USP3: variants seen among roughly 807,000 people sequenced by gnomAD.
USP3 encodes ubiquitin specific peptidase 3.
USP3 carries 20 observed loss-of-function variants against 72.3 expected under a neutral mutation model. The ratio of observed to expected loss-of-function variants is 0.28; its 90% confidence interval spans 0.19 to 0.40. The LOEUF (loss-of-function observed/expected upper bound fraction) is 0.40. Among genes scored for constraint, USP3 ranks in the 10% least tolerant of loss-of-function variants. The pLI is 1.00. For synonymous variants in USP3, 222 were observed against 225.3 expected, an observed-to-expected ratio of 0.99 and a Z score of 0.13; for missense variants, 479 against 633.9, an observed-to-expected ratio of 0.76 and a Z score of 2.62.
At chr15:63,551,933 T>G (rs1359282835) in intron 3 of USP3, 1 of 152,194 alleles carries the variant, frequency 6.6e-6, no homozygotes, top group South Asian at 2.1e-4. Context: ...CGTAATTTTA[T>G]GACCAAGGCT....
intron 1 of USP3, among the ~76,000 whole-genome samples, chr15:63,525,920 C>A (rs1395090060): frequency 6.6e-6 from 1 of 152,088 alleles, no homozygotes; most frequent in East Asian, 1.9e-4. Context: ...TGCAAAATTT[C>A]AAAATTTTCA....
chr15:63,573,779 C>A (rs2066817838), intron 9 of USP3, among the ~76,000 whole-genome samples: 1 of 152,132 alleles, frequency 6.6e-6, no homozygotes, highest in Non-Finnish European at 1.5e-5. Flanking sequence ...GTTATGATAG[C>A]AAATGGCCAG....
intron 8 of USP3, among the ~76,000 whole-genome samples, chr15:63,566,225 A>G (rs1469614108): frequency 6.6e-6 from 1 of 151,986 alleles, no homozygotes; most frequent in Non-Finnish European, 1.5e-5. Flanking sequence ...CATAATTCTT[A>G]TATTTGCTTG....
intron 3 of USP3, among the ~76,000 whole-genome samples, chr15:63,549,970 A>G (rs947061907): frequency 5.9e-5 from 9 of 152,198 alleles, no homozygotes; most frequent in African/African-American, 2.2e-4. Flanking sequence ...ACAGTTCCAT[A>G]AACTGGTGAT....
At chr15:63,514,104 A>G (rs1489771952) in intron 1 of USP3, among the ~76,000 whole-genome samples, 1 of 152,256 alleles carries the variant, frequency 6.6e-6, no homozygotes, top group African/African-American at 2.4e-5. Context: ...TGTATGAAGT[A>G]GCTGCCAGAC....
intron 8 of USP3, among the ~76,000 whole-genome samples, chr15:63,567,261 G>A (rs998687952): frequency 1.1e-4 from 16 of 151,548 alleles, no homozygotes; most frequent in Middle Eastern, 3.2e-3. Flanking sequence ...TGCAACCTCC[G>A]CCTCCCAGGT....
At chr15:63,530,326 C>CTT (rs764559960) in intron 1 of USP3, among the ~76,000 whole-genome samples, 8 of 124,330 alleles carry the variant, frequency 6.4e-5, no homozygotes, top group African/African-American at 1.2e-4. Flanking sequence ...TTACATCCAT[C>CTT]TTTTTTTTTT....
At chr15:63,519,008 G>A (rs2065885623) in intron 1 of USP3, among the ~76,000 whole-genome samples, 1 of 152,126 alleles carries the variant, frequency 6.6e-6, no homozygotes, top group African/African-American at 2.4e-5. Flanking sequence ...CTCATGATCT[G>A]CCCGCCTCAG....
intron 2 of USP3, among the ~76,000 whole-genome samples, chr15:63,533,567 A>G (rs1361602159): frequency 6.6e-6 from 1 of 152,196 alleles, no homozygotes; most frequent in Non-Finnish European, 1.5e-5. Flanking sequence ...GAAATGAGAA[A>G]TCATACTGAG....
intron 7 of USP3, among the ~76,000 whole-genome samples, chr15:63,560,595 G>A (rs764573544): frequency 2.6e-5 from 4 of 151,734 alleles, no homozygotes; most frequent in Non-Finnish European, 5.9e-5. Flanking sequence ...TGATTTGTCC[G>A]ACAGTGTTAG....
Position 63,578,236 on chromosome 15 carries a change from T to C in USP3, c.1096+3833T>C, listed in dbSNP as rs565534882. On this transcript the variant is annotated intron_variant, in intron 11 of 14. Coordinates refer to ENST00000380324, the MANE Select transcript of USP3 (RefSeq NM_006537.4). ...TTGCAGTGAGCCGAGATCGTGCCACTGCACTCCAGCCTGGACAACACAGTG... is the reference window on the plus strand; with the variant it reads ...TTGCAGTGAGCCGAGATCGTGCCACCGCACTCCAGCCTGGACAACACAGTG... 4.6e-5 allele frequency among the ~76,000 whole-genome samples: 7 copies of C among 151,930 alleles called. No homozygotes were observed. The East Asian group carries it at 1.4e-3, about 30-fold the overall frequency.
chr15:63,539,721 A>G (rs2152663045), intron 3 of USP3, among the ~76,000 whole-genome samples: 1 of 152,288 alleles, frequency 6.6e-6, no homozygotes, highest in East Asian at 1.9e-4. Flanking sequence ...AGTTGTACAG[A>G]GCTGCAAGTG....
chr15:63,526,403 A>G (rs2065982312), intron 1 of USP3, among the ~76,000 whole-genome samples: 1 of 152,192 alleles, frequency 6.6e-6, no homozygotes, highest in African/African-American at 2.4e-5. Flanking sequence ...AACAGACCAA[A>G]TGATGGTCTG....
intron 11 of USP3, among the ~76,000 whole-genome samples, chr15:63,582,006 C>T (rs1216260815): frequency 6.6e-6 from 1 of 152,128 alleles, no homozygotes; most frequent in African/African-American, 2.4e-5. Context: ...TAATGGTTTT[C>T]TTTATACATA....
intron 5 of USP3, 52 bp downstream of exon 5, chr15:63,556,800 T>C: frequency 8.0e-7 from 1 of 1,252,586 alleles, no homozygotes; most frequent in Non-Finnish European, 1.1e-6. Flanking sequence ...ATTTAATCAC[T>C]GTTTTGTTAC....
intron 3 of USP3, among the ~76,000 whole-genome samples, chr15:63,550,899 G>A (rs183683902): frequency 2.6e-5 from 4 of 152,276 alleles, no homozygotes; most frequent in Admixed American, 2.0e-4. Flanking sequence ...GCTCACACCT[G>A]TAATCTCAGC....
At chr15:63,579,062 G>T (rs1464545736) in intron 11 of USP3, among the ~76,000 whole-genome samples, 2 of 152,120 alleles carry the variant, frequency 1.3e-5, no homozygotes, top group African/African-American at 2.4e-5. Context: ...AAGCCAGCTG[G>T]CTTTCTGTAT....
chr15:63,542,090 T>G, intron 3 of USP3: 1 of 985,214 alleles, frequency 1.0e-6, no homozygotes, highest in Non-Finnish European at 1.2e-6. Context: ...GAATATTTTC[T>G]TAGTTCTTCA....
chr15:63,569,974 T>C (rs1007396509), intron 8 of USP3, among the ~76,000 whole-genome samples: 10 of 152,252 alleles, frequency 6.6e-5, no homozygotes, highest in African/African-American at 2.4e-4. Flanking sequence ...CCCTTTCTTA[T>C]AGTAGTGGTT....
Sources: allele counts gnomAD v4.1 joint callset (sites outside exome capture counted in the v4.1 genomes callset), GRCh38; gene constraint gnomAD v4.1.1; transcripts MANE v1.5; gene names NCBI Gene and HGNC (gene_info 2026-07-23, HGNC 2026-07-21).